CAMK4: variants seen among roughly 807,000 people sequenced by gnomAD.
CAMK4 encodes calcium/calmodulin-dependent protein kinase type IV.
Under a neutral mutation model 44.9 loss-of-function variants are expected in CAMK4, and 22 were observed. The observed-to-expected ratio is 0.49, with a 90% CI of 0.35 to 0.70. CAMK4 has a LOEUF of 0.70. Ranked by LOEUF, CAMK4 falls within the 30% of genes least tolerant of loss-of-function variation. The pLI, the probability that CAMK4 is intolerant of heterozygous loss-of-function variation, is 0.01. For missense variants in CAMK4, 498 were observed against 586.8 expected, an observed-to-expected ratio of 0.85 and a Z score of 1.56; for synonymous variants, 218 against 215.4, an observed-to-expected ratio of 1.01 and a Z score of -0.11.
chr5:111,469,058 C>T (rs1282227597), intron 7 of CAMK4, among the ~76,000 whole-genome samples: 17 of 147,100 alleles, frequency 1.2e-4, no homozygotes, highest in African/African-American at 3.8e-4. Context: ...GCACGAGAAG[C>T]GCTTGAACCC....
At chr5:111,460,949 A>G (rs929845770) in intron 7 of CAMK4, among the ~76,000 whole-genome samples, 1 of 152,214 alleles carries the variant, frequency 6.6e-6, no homozygotes, top group African/African-American at 2.4e-5. Context: ...AGGGAAATAA[A>G]CAGACTATTT....
chr5:111,224,376 C>T, upstream of CAMK4: 8 of 1,383,962 alleles, frequency 5.8e-6, no homozygotes, highest in Non-Finnish European at 6.5e-6. This position sits in a 1 kb window ranked among gnomAD's most constrained non-coding sequence, Gnocchi z 5.7. Context: ...GCGTGAAGGA[C>T]GCCGCCTCTC....
chr5:111,345,445 T>C (rs1219903779), intron 2 of CAMK4, among the ~76,000 whole-genome samples: 1 of 151,972 alleles, frequency 6.6e-6, no homozygotes, highest in Non-Finnish European at 1.5e-5. Context: ...ATTAAAACTT[T>C]TATGAAATAG....
chr5:111,454,376 T>G lies in CAMK4; in HGVS notation c.625+5173T>G, dbSNP rs555738683. On this transcript the variant is annotated intron_variant, in intron 7 of 10. Transcript: ENST00000282356. ...GGAAAAGCCATCCATTCTGTCTCTT[T>G]CATAGAACCCTTGCCCCAGGCTATT... Among the ~76,000 whole-genome samples the G allele has an allele frequency of 3.9e-5, 6 of 152,302 alleles. No homozygotes were observed. In the South Asian group the frequency reaches 1.2e-3, roughly 32 times the overall value.
At chr5:111,416,780 G>T (rs1389897934) in intron 5 of CAMK4, among the ~76,000 whole-genome samples, 1 of 151,982 alleles carries the variant, frequency 6.6e-6, no homozygotes, top group African/African-American at 2.4e-5. Context: ...TAATTTGAAG[G>T]ACTGATAAAT....
chr5:111,440,708 C>T (rs1753793403), intron 5 of CAMK4, among the ~76,000 whole-genome samples: 1 of 151,036 alleles, frequency 6.6e-6, no homozygotes, highest in Admixed American at 6.6e-5. Context: ...CCAAACTCAG[C>T]TATTTACTGT....
chr5:111,366,858 A>AT (rs202208177), intron 2 of CAMK4, among the ~76,000 whole-genome samples: 1 of 151,810 alleles, frequency 6.6e-6, no homozygotes, highest in Admixed American at 6.6e-5. Context: ...TAAATTTTAA[A>AT]TTTTTTTCTG....
At chr5:111,260,407 T>C (rs1249783162) in intron 1 of CAMK4, among the ~76,000 whole-genome samples, 3 of 152,200 alleles carry the variant, frequency 2.0e-5, no homozygotes, top group Admixed American at 6.5e-5. Flanking sequence ...GCATACCTCA[T>C]TGATCCTCCT....
At position 111,460,855 on chromosome 5, in the gene CAMK4, T is replaced by C. The variant is rs142578055; in HGVS notation, c.625+11652T>C. 5.9e-3 allele frequency among the ~76,000 whole-genome samples: 904 copies of C among 152,260 alleles called. 13 individuals are homozygous for C. The highest frequency in any genetic ancestry group is 0.02 in the African/African-American group (849 of 41,560). On this transcript the variant is annotated intron_variant, in intron 7 of 10. Transcript: ENST00000282356. The stretch of plus-strand genomic sequence containing the variant: ...AGGGCAATAAAAATAAGTTGTATTT[T>C]TTTTTCCTTTTTTGAAAGCACTAGG...
intron 5 of CAMK4, among the ~76,000 whole-genome samples, chr5:111,443,192 A>G (rs1366292164): frequency 1.4e-5 from 2 of 145,398 alleles, no homozygotes; most frequent in Non-Finnish European, 3.0e-5. Context: ...AAAATGAAAT[A>G]GTGACTCCTG....
At chr5:111,403,398 A>G (rs1752301961) in intron 5 of CAMK4, among the ~76,000 whole-genome samples, 1 of 152,066 alleles carries the variant, frequency 6.6e-6, no homozygotes, top group Non-Finnish European at 1.5e-5. Context: ...TTCCTATGGT[A>G]TTTTCATTTC....
At position 111,290,622 on chromosome 5, in the gene CAMK4, G is replaced by C. The variant is rs1205924714; in HGVS notation, c.162-53402G>C. Among the ~76,000 whole-genome samples, 6 of 152,180 alleles carry C rather than the reference G, an allele frequency of 3.9e-5. No homozygotes were observed. The highest frequency in any genetic ancestry group is 7.3e-5 in the Non-Finnish European group (5 of 68,042). Reference sequence around the variant, plus strand: ...GAACGTTTTGTTCAGTGACTCTTGAGCTGGGCACAGACAAGCACTAAAAGG... The same window carrying C: ...GAACGTTTTGTTCAGTGACTCTTGACCTGGGCACAGACAAGCACTAAAAGG... On this transcript the variant is annotated intron_variant, in intron 1 of 10. Transcript: ENST00000282356. This position sits in a 1 kb window ranked among gnomAD's most constrained non-coding sequence, Gnocchi z 4.5.
chr5:111,364,375 G>A (rs926590795), intron 2 of CAMK4, among the ~76,000 whole-genome samples: 11 of 151,990 alleles, frequency 7.2e-5, no homozygotes, highest in African/African-American at 2.4e-4. Flanking sequence ...GTTGAGAGTC[G>A]GGCATCAGCC....
rs142585285 is a variant in CAMK4, at chr5:111,384,639, C to T, written c.386+7697C>T. Among the ~76,000 whole-genome samples, 29 of 152,260 alleles carry T rather than the reference C, an allele frequency of 1.9e-4. No individual in the cohort carries two copies. In the East Asian group the frequency reaches 4.4e-3, roughly 23 times the overall value. ...ACTAAACTAATCAACATGAATTTCT[C>T]CCTTTTCCTTTAGATTCTCCTTCTC... On this transcript the variant is annotated intron_variant, in intron 4 of 10. Coordinates refer to ENST00000282356, the MANE Select transcript of CAMK4 (RefSeq NM_001744.6).
intron 5 of CAMK4, among the ~76,000 whole-genome samples, chr5:111,437,234 T>A (rs2112952442): frequency 6.6e-6 from 1 of 152,348 alleles, no homozygotes; most frequent in Middle Eastern, 3.4e-3. Context: ...ATTGCCACGA[T>A]GTAAGCACAG....
At chr5:111,302,792 G>C (rs1250723247) in intron 1 of CAMK4, among the ~76,000 whole-genome samples, 19 of 70,106 alleles carry the variant, frequency 2.7e-4, no homozygotes, top group Non-Finnish European at 4.6e-4. Context: ...TCTGGGGGCA[G>C]GGCACAGACA....
intron 4 of CAMK4, among the ~76,000 whole-genome samples, chr5:111,383,851 C>T (rs1406573014): frequency 3.3e-5 from 5 of 152,068 alleles, no homozygotes; most frequent in Admixed American, 1.3e-4. Flanking sequence ...CACACTACAA[C>T]ATGGATGAAC....
At chr5:111,406,155 T>A (rs557714793) in intron 5 of CAMK4, among the ~76,000 whole-genome samples, 1 of 151,758 alleles carries the variant, frequency 6.6e-6, no homozygotes, top group South Asian at 2.1e-4. Context: ...TCTGATTACC[T>A]CTTTCTCTTC....
At chr5:111,467,366 T>C (rs1754872288) in intron 7 of CAMK4, among the ~76,000 whole-genome samples, 1 of 114,654 alleles carries the variant, frequency 8.7e-6, no homozygotes, top group African/African-American at 3.3e-5. Context: ...AAAAAGCTTC[T>C]GCATAGCAAA....
Sources: gnomAD v4.1 joint callset for allele counts (sites outside exome capture counted in the v4.1 genomes callset) on GRCh38, gnomAD v4.1.1 for gene constraint, Gnocchi (gnomAD v3.1) non-coding constraint, MANE v1.5 for transcripts, NCBI Gene and HGNC (gene_info 2026-07-23, HGNC 2026-07-21) for gene names.